Variants in MAP4K4 observed in about 807,000 individuals in gnomAD.
The protein encoded by MAP4K4 is HPK/GCK-like kinase HGK.
Under a neutral mutation model 189.6 loss-of-function variants are expected in MAP4K4, and 38 were observed. That is an observed-to-expected ratio of 0.20 (90% CI 0.15 to 0.26). MAP4K4 has a LOEUF of 0.26. Ranked by LOEUF, MAP4K4 falls within the 10% of genes least tolerant of loss-of-function variation. MAP4K4 has a pLI of 1.00. For synonymous variants in MAP4K4, 610 were observed against 624.3 expected, an observed-to-expected ratio of 0.98 and a Z score of 0.34; for missense variants, 1,054 against 1,726.9, an observed-to-expected ratio of 0.61 and a Z score of 6.91.
intron 2 of MAP4K4, among the ~76,000 whole-genome samples, chr2:101,787,804 CT>C (rs750909990): frequency 0.01 from 1,300 of 128,786 alleles, 5 homozygotes; most frequent in Middle Eastern, 0.038. Flanking sequence ...TAGAAGTTTG[CT>C]TTTTTTTTTT....
In MAP4K4 at chr2:101,874,760, C is replaced by T. The variant is rs142347645; in HGVS notation, c.3241+508C>T. Among the ~76,000 whole-genome samples the T allele has an allele frequency of 5.5e-4, 84 of 152,242 alleles. 1 individual carries two copies. The highest frequency in any genetic ancestry group is 2.0e-3 in the African/African-American group (83 of 41,552). On this transcript the variant is annotated intron_variant, in intron 26 of 32. Transcript: ENST00000324219. Reference sequence around the variant, plus strand: ...TACTTTACAGTGACTATTCTTTTGACTATTAGCATTCAGTACTTTATAAAA... The same window carrying T: ...TACTTTACAGTGACTATTCTTTTGATTATTAGCATTCAGTACTTTATAAAA...
intron 2 of MAP4K4, among the ~76,000 whole-genome samples, chr2:101,709,548 A>C (rs1236766817): frequency 1.3e-5 from 2 of 152,216 alleles, no homozygotes; most frequent in Non-Finnish European, 2.9e-5. Context: ...TCTTATCGCT[A>C]TGAAGACAAA....
At chr2:101,832,310 C>CA (rs1359442329) in intron 7 of MAP4K4, among the ~76,000 whole-genome samples, 5 of 152,106 alleles carry the variant, frequency 3.3e-5, no homozygotes, top group African/African-American at 1.2e-4. Flanking sequence ...GGACTTGAGT[C>CA]AGTAACACAC....
At chr2:101,743,704 C>G (rs2063862645) in intron 2 of MAP4K4, among the ~76,000 whole-genome samples, 1 of 152,128 alleles carries the variant, frequency 6.6e-6, no homozygotes, top group South Asian at 2.1e-4. Context: ...GTCACCCAGG[C>G]TGGAGTGCAG....
chr2:101,780,011 AG>A (rs1358742011), intron 2 of MAP4K4, among the ~76,000 whole-genome samples: 1 of 152,226 alleles, frequency 6.6e-6, no homozygotes, highest in Non-Finnish European at 1.5e-5. Flanking sequence ...GAAGTAGTTT[AG>A]GTTCACAAAC....
At chr2:101,704,556 TATATA>T (rs2040978498) in intron 2 of MAP4K4, among the ~76,000 whole-genome samples, 1 of 80,122 alleles carries the variant, frequency 1.2e-5, no homozygotes, top group Non-Finnish European at 2.3e-5. Context: ...TATATATATA[TATATA>T]TATATATTTT....
intron 2 of MAP4K4, among the ~76,000 whole-genome samples, chr2:101,736,262 A>G (rs1455559284): frequency 2.6e-5 from 4 of 152,192 alleles, no homozygotes; most frequent in African/African-American, 7.2e-5. Flanking sequence ...TGCTGACAGT[A>G]TAAAGACCAA....
intron 3 of MAP4K4, among the ~76,000 whole-genome samples, chr2:101,809,139 C>G (rs11674324): frequency 0.28 from 42,493 of 151,456 alleles, 6,682 homozygotes; most frequent in South Asian, 0.49. Flanking sequence ...CTACATACTT[C>G]ATGTAACTTT....
chr2:101,777,137 G>C (rs1420259198), intron 2 of MAP4K4, among the ~76,000 whole-genome samples: 1 of 152,112 alleles, frequency 6.6e-6, no homozygotes, highest in Non-Finnish European at 1.5e-5. Context: ...GACTGAAGAA[G>C]GTGTGTGGTC....
chr2:101,731,203 G>A (rs1009913201), intron 2 of MAP4K4, among the ~76,000 whole-genome samples: 2 of 151,468 alleles, frequency 1.3e-5, no homozygotes, highest in South Asian at 2.1e-4. Context: ...TGCAACCTCC[G>A]CCCCCCAGAT....
intron 2 of MAP4K4, among the ~76,000 whole-genome samples, chr2:101,751,534 T>G (rs956504827): frequency 6.6e-6 from 1 of 152,184 alleles, no homozygotes; most frequent in Non-Finnish European, 1.5e-5. Flanking sequence ...TTCAGCACAT[T>G]ATTGGGTACA....
chr2:101,810,880 T>C (rs1000173585), intron 3 of MAP4K4, among the ~76,000 whole-genome samples: 1 of 152,168 alleles, frequency 6.6e-6, no homozygotes, highest in African/African-American at 2.4e-5. Flanking sequence ...AGGCTTACTA[T>C]TGAGTAGAAA....
chr2:101,783,161 A>G (rs1020238571), intron 2 of MAP4K4, among the ~76,000 whole-genome samples: 3 of 152,038 alleles, frequency 2.0e-5, no homozygotes, highest in Non-Finnish European at 4.4e-5. Flanking sequence ...CTACTAGTTG[A>G]GTGTCCTTCT....
chr2:101,844,343 T>G, intron 12 of MAP4K4, 32 bp downstream of exon 12: 1 of 1,539,794 alleles, frequency 6.5e-7, no homozygotes, highest in Non-Finnish European at 8.8e-7. Flanking sequence ...AGTTGGTTGG[T>G]CTTTTCTCTT....
intron 15 of MAP4K4, 121 bp downstream of exon 15, chr2:101,859,985 A>G (rs888743762): frequency 9.8e-6 from 10 of 1,018,500 alleles, no homozygotes; most frequent in Non-Finnish European, 1.5e-5. Context: ...TGGTTTCTTC[A>G]TTTTCTAACT....
At chr2:101,758,462 A>G (rs141191658) in intron 2 of MAP4K4, among the ~76,000 whole-genome samples, 3 of 152,334 alleles carry the variant, frequency 2.0e-5, no homozygotes, top group East Asian at 3.9e-4. Context: ...TTGAAAATAT[A>G]TGCAGGATGT....
intron 7 of MAP4K4, among the ~76,000 whole-genome samples, chr2:101,832,727 G>A (rs1431196391): frequency 6.6e-6 from 1 of 152,126 alleles, no homozygotes; most frequent in African/African-American, 2.4e-5. Flanking sequence ...AGACCTGACT[G>A]GTATGCAGAA....
chr2:101,777,944 T>C (rs2085153830), intron 2 of MAP4K4, among the ~76,000 whole-genome samples: 1 of 152,200 alleles, frequency 6.6e-6, no homozygotes, highest in Non-Finnish European at 1.5e-5. Flanking sequence ...CAGAATTTCT[T>C]TTTACTTTTA....
chr2:101,807,082 C>A (rs1033768394), intron 3 of MAP4K4, among the ~76,000 whole-genome samples: 2 of 148,974 alleles, frequency 1.3e-5, no homozygotes, highest in African/African-American at 2.5e-5. Flanking sequence ...GTGTCTGTCT[C>A]ACTCTTGTCA....
Sources: allele counts gnomAD v4.1 joint callset (sites outside exome capture counted in the v4.1 genomes callset), GRCh38; gene constraint gnomAD v4.1.1; transcripts MANE v1.5; gene names NCBI Gene and HGNC (gene_info 2026-07-23, HGNC 2026-07-21).